The following C1orf185 variants were observed in gnomAD, a reference collection of about 807,000 sequenced individuals.
The protein encoded by C1orf185 is chromosome 1 open reading frame 185, also known as uncharacterized protein C1orf185.
C1orf185 carries 13 observed loss-of-function variants against 16.1 expected under a neutral mutation model. The ratio of observed to expected loss-of-function variants is 0.81; its 90% CI spans 0.53 to 1.28. The LOEUF (loss-of-function observed/expected upper bound fraction) is 1.28, where lower values mean the gene tolerates loss of function less well. Ranked by LOEUF, C1orf185 falls within the 50% of genes most tolerant of loss-of-function variation. The pLI is 0.00. For synonymous variants in C1orf185, 80 were observed against 76.9 expected, an observed-to-expected ratio of 1.04 and a Z score of -0.21; for missense variants, 220 against 225.2, an observed-to-expected ratio of 0.98 and a Z score of 0.15.
chr1:51,133,053 T>C (rs1646297171), intron 3 of C1orf185, among the ~76,000 whole-genome samples: 1 of 152,132 alleles, frequency 6.6e-6, no homozygotes, highest in South Asian at 2.1e-4. Context: ...CAAGAGCTCC[T>C]GGAGGAAGCA....
intron 3 of C1orf185, among the ~76,000 whole-genome samples, chr1:51,122,963 G>GAATACCTGAAACTGGGTAATTT (rs1437686029): frequency 6.6e-6 from 1 of 152,126 alleles, no homozygotes; most frequent in Non-Finnish European, 1.5e-5. Flanking sequence ...GCTCATACCA[G>GAATACCTGAAACTGGGTAATTT]AATACCTGAA....
At chr1:51,133,085 C>T (rs927177448) in intron 3 of C1orf185, among the ~76,000 whole-genome samples, 2 of 152,126 alleles carry the variant, frequency 1.3e-5, no homozygotes, top group Non-Finnish European at 2.9e-5. Context: ...AAGGAAAGAC[C>T]CTTACCAGCC....
chr1:51,151,546 A>T (rs1229590090), downstream of C1orf185, among the ~76,000 whole-genome samples: 2 of 152,096 alleles, frequency 1.3e-5, no homozygotes, highest in Non-Finnish European at 2.9e-5. Context: ...CCACAGTAAG[A>T]CTGTAGAGGG....
intron 3 of C1orf185, among the ~76,000 whole-genome samples, chr1:51,135,981 G>A (rs1197516355): frequency 6.6e-6 from 1 of 152,134 alleles, no homozygotes. Flanking sequence ...AACTCAATGT[G>A]CAAAAATTAC....
chr1:51,133,571 C>T (rs951884375), intron 3 of C1orf185, among the ~76,000 whole-genome samples: 5 of 152,156 alleles, frequency 3.3e-5, no homozygotes, highest in African/African-American at 1.2e-4. Flanking sequence ...TCTTAGAGAC[C>T]TTCAAAGAGA....
At chr1:51,145,910 G>T in intron 4 of C1orf185, 150 bp downstream of exon 4, 1 of 387,366 alleles carries the variant, frequency 2.6e-6, no homozygotes, top group Non-Finnish European at 4.5e-6. Flanking sequence ...TATGTAAAAG[G>T]GCATAAATTT....
chr1:51,127,882 T>A (rs1646253128), intron 3 of C1orf185, among the ~76,000 whole-genome samples: 1 of 147,722 alleles, frequency 6.8e-6, no homozygotes, highest in African/African-American at 2.5e-5. Flanking sequence ...TTTTCTTTTC[T>A]TTGTTTTTTT....
intron 3 of C1orf185, among the ~76,000 whole-genome samples, chr1:51,136,074 A>G (rs1002491638): frequency 1.1e-4 from 16 of 152,194 alleles, no homozygotes; most frequent in Non-Finnish European, 1.3e-4. Flanking sequence ...CAAAAAATAT[A>G]AAATACCTAG....
At position 51,147,723 on chromosome 1, in the gene C1orf185, C is replaced by T. The variant is rs548757747; in HGVS notation, c.552C>T (p.Thr184=). 2.6e-6 allele frequency: 4 copies of T among 1,550,462 alleles called. No individual in the cohort carries two copies. The highest frequency in any genetic ancestry group is 3.5e-6 in the Non-Finnish European group (4 of 1,146,548). ...LMEKVFSYLS[T]ISLEEGTESV... ...AAAAAGTATTTTCATACCTGTCAAC[C>T]ATTTCATTAGAAGAGGGTACTGAAA... The change falls in exon 5 of 5, where the codon ACC becomes ACT. Residue 184 remains threonine (T), a synonymous_variant. Coordinates refer to ENST00000371759, the MANE Select transcript of C1orf185 (RefSeq NM_001136508.2).
At chr1:51,112,404 GT>G (rs1413623994) in intron 1 of C1orf185, 59 bp from the exon 2 acceptor site, 1 of 1,352,568 alleles carries the variant, frequency 7.4e-7, no homozygotes, top group Non-Finnish European at 1.0e-6. Context: ...TTATCATTCA[GT>G]TTTACCTAGA....
intron 3 of C1orf185, among the ~76,000 whole-genome samples, chr1:51,135,056 T>C (rs1646313194): frequency 6.6e-6 from 1 of 152,094 alleles, no homozygotes; most frequent in East Asian, 1.9e-4. Flanking sequence ...AAAAGAAAAC[T>C]TCAGGCCTAT....
In C1orf185 at chr1:51,116,707, A is replaced by G. The variant is rs1646160296; in HGVS notation, c.123-1959A>G. Among the ~76,000 whole-genome samples, 4 of 151,868 alleles carry G rather than the reference A, an allele frequency of 2.6e-5. No homozygotes were observed. In the South Asian group the frequency reaches 8.3e-4, roughly 32 times the overall value. On this transcript the variant is annotated intron_variant, in intron 2 of 4. Transcript: ENST00000371759. ...AAACTTTTAAGGGCTTACATGGTCT[A>G]CCCCCACACATATTCCCCAATCTCA... is the stretch of plus-strand genomic sequence containing the variant.
chr1:51,128,685 T>A (rs548428439), intron 3 of C1orf185, among the ~76,000 whole-genome samples: 4 of 152,094 alleles, frequency 2.6e-5, no homozygotes, highest in Non-Finnish European at 5.9e-5. Context: ...AGAGCAAGAC[T>A]TTGTCTCCAA....
rs543719278 is a variant in C1orf185, at chr1:51,113,039, G to A, written c.122+470G>A. Among the ~76,000 whole-genome samples the A allele has an allele frequency of 9.9e-5, 15 of 151,656 alleles. No homozygotes were observed. The South Asian group carries it at 2.5e-3, about 25-fold the overall frequency. On this transcript the variant is annotated intron_variant, in intron 2 of 4. Transcript: ENST00000371759. ...TCACCATGTTGGCCAGGCTGGTCTC[G>A]AACTCCTGACCTCAGACGATCCGCC...
At chr1:51,137,529 C>CA (rs905493939) in intron 3 of C1orf185, among the ~76,000 whole-genome samples, 29 of 148,018 alleles carry the variant, frequency 2.0e-4, no homozygotes, top group East Asian at 5.9e-4. Flanking sequence ...GACTCTGTCT[C>CA]AAAAAAAAAT....
intron 2 of C1orf185, 22 bp from the exon 3 acceptor site, chr1:51,118,643 AT>A: frequency 7.8e-7 from 1 of 1,282,804 alleles, no homozygotes; most frequent in Non-Finnish European, 1.0e-6. Flanking sequence ...GTTTAATAAT[AT>A]TCTTTATAAA....
intron 3 of C1orf185, among the ~76,000 whole-genome samples, chr1:51,144,989 T>C (rs1646389413): frequency 6.6e-6 from 1 of 152,150 alleles, no homozygotes; most frequent in Non-Finnish European, 1.5e-5. Context: ...TTCTAGAGAA[T>C]CTGTTTCAGT....
intron 3 of C1orf185, among the ~76,000 whole-genome samples, chr1:51,138,398 G>C (rs1186898153): frequency 6.6e-6 from 1 of 152,100 alleles, no homozygotes; most frequent in Non-Finnish European, 1.5e-5. Flanking sequence ...TTCAGAATTT[G>C]TTTGTTTGTT....
intron 1 of C1orf185, among the ~76,000 whole-genome samples, chr1:51,104,240 A>G (rs1214683750): frequency 6.6e-6 from 1 of 152,196 alleles, no homozygotes; most frequent in Non-Finnish European, 1.5e-5. Context: ...ATCTGGCAAA[A>G]CTCAAGAAGA....
Sources: allele counts gnomAD v4.1 joint callset (sites outside exome capture counted in the v4.1 genomes callset), GRCh38; gene constraint gnomAD v4.1.1; transcripts MANE v1.5; gene names NCBI Gene and HGNC (gene_info 2026-07-23, HGNC 2026-07-21).